ZFHX3: variants seen among roughly 807,000 people sequenced by gnomAD.
ZFHX3 encodes zinc finger homeobox 3.
A neutral mutation model predicts 279.1 loss-of-function variants in ZFHX3; 42 were observed. The ratio of observed to expected loss-of-function variants is 0.15; its 90% CI spans 0.12 to 0.19. ZFHX3 has a LOEUF of 0.19. ZFHX3 is among the 10% of genes least tolerant of loss of function. ZFHX3 has a pLI of 1.00. For synonymous variants in ZFHX3, 2,293 were observed against 1,957.8 expected (o/e 1.17, Z -4.52); for missense variants, 4,981 against 4,754.0 (o/e 1.05, Z -1.40).
intron 7 of ZFHX3, among the ~76,000 whole-genome samples, chr16:73,101,002 C>T (rs781351920): frequency 1.3e-5 from 2 of 152,184 alleles, no homozygotes; most frequent in Non-Finnish European, 2.9e-5. Flanking sequence ...CCTTAGGATC[C>T]ACCATGTCCT....
chr16:73,353,831 A>G (rs1188593918), intron 3 of ZFHX3, among the ~76,000 whole-genome samples: 1 of 152,216 alleles, frequency 6.6e-6, no homozygotes, highest in Non-Finnish European at 1.5e-5. Context: ...CGTTATTAAT[A>G]CTTAATATTG....
intron 1 of ZFHX3, among the ~76,000 whole-genome samples, chr16:73,005,228 C>G (rs1963660457): frequency 6.6e-6 from 1 of 152,212 alleles, no homozygotes; most frequent in Admixed American, 6.5e-5. Flanking sequence ...GGTGCAGTGG[C>G]TCACGTCTTA....
At chr16:73,232,502 G>A (rs2012808439) in intron 5 of ZFHX3, 1 of 152,252 alleles carries the variant, frequency 6.6e-6, no homozygotes. Context: ...AATGGACACG[G>A]GTGGAAGAGA....
chr16:73,511,355 G>T (rs533859124), intron 2 of ZFHX3, among the ~76,000 whole-genome samples: 3 of 152,224 alleles, frequency 2.0e-5, no homozygotes, highest in African/African-American at 7.2e-5. Flanking sequence ...CCCCTGCTCT[G>T]TTTCTAGGGA....
chr16:73,571,313 G>A (rs181043094), intron 2 of ZFHX3, among the ~76,000 whole-genome samples: 1 of 112,662 alleles, frequency 8.9e-6, no homozygotes, highest in Admixed American at 8.0e-5. Flanking sequence ...TAGTATTAAA[G>A]TAAAAATGAA....
chr16:73,839,705 A>G (rs1428505937), intron 1 of ZFHX3, among the ~76,000 whole-genome samples: 1 of 152,226 alleles, frequency 6.6e-6, no homozygotes, highest in Non-Finnish European at 1.5e-5. Flanking sequence ...AGGTACCCAA[A>G]GCACTGAAAT....
At chr16:72,848,205 G>T (rs1597305978) in intron 4 of ZFHX3, among the ~76,000 whole-genome samples, 1 of 152,144 alleles carries the variant, frequency 6.6e-6, no homozygotes, top group Non-Finnish European at 1.5e-5. Context: ...TGCTCTTGGG[G>T]ATGCTGTGTG....
chr16:73,358,152 G>A (rs564214549), intron 3 of ZFHX3, among the ~76,000 whole-genome samples: 77 of 152,326 alleles, frequency 5.1e-4, no homozygotes, highest in African/African-American at 1.6e-3. Flanking sequence ...TGCTTTGTAC[G>A]GATTTGTGCT....
chr16:73,511,203 A>G (rs1333212864), intron 2 of ZFHX3, among the ~76,000 whole-genome samples: 2 of 152,214 alleles, frequency 1.3e-5, no homozygotes, highest in African/African-American at 4.8e-5. Flanking sequence ...AGTTCCTCGC[A>G]AGTTCCAGGT....
At chr16:72,802,962 C>A (rs2036154610) in intron 7 of ZFHX3, among the ~76,000 whole-genome samples, 1 of 152,162 alleles carries the variant, frequency 6.6e-6, no homozygotes, top group Admixed American at 6.5e-5. Flanking sequence ...ACAATCATAT[C>A]TGGCTACTAA....
rs186259031 is a variant in ZFHX3 at position 73,112,672 on chromosome 16, C to T, written c.-897+18296G>A. Among the ~76,000 whole-genome samples the T allele has an allele frequency of 9.5e-4, 135 of 141,656 alleles. 1 individual carries two copies. The Middle Eastern group carries it at 0.018, about 19-fold the overall frequency. 92.9% of individuals were successfully genotyped at this position (141,656 alleles called of 152,430 possible). A position where few individuals can be genotyped will look rare whatever the true frequency, so the allele number is the denominator to read the frequency against. ...TGGAGGTTGCAGTGAGCTGAGATCG[C>T]GCCACTGCACTCCAGCCTGGGCGAC... is the stretch of plus-strand genomic sequence containing the variant. On this transcript the variant is annotated intron_variant, in intron 7 of 17. Transcript: ENST00000641206.
At chr16:73,749,690 C>T (rs543673164) in intron 1 of ZFHX3, among the ~76,000 whole-genome samples, 57 of 152,292 alleles carry the variant, frequency 3.7e-4, no homozygotes, top group Non-Finnish European at 6.0e-4. Flanking sequence ...AAAGGCAGGA[C>T]ACCAATGCCA....
Position 73,230,327 on chromosome 16 carries a change from C to A in ZFHX3, c.-1104+26720G>T, listed in dbSNP as rs9925145. 1.3e-3 allele frequency among the ~76,000 whole-genome samples: 193 copies of A among 152,252 alleles called. 1 individual carries two copies. Among genetic ancestry groups the A allele is most frequent in the African/African-American group, 4.5e-3 (187 of 41,554 alleles). The stretch of plus-strand genomic sequence containing the variant: ...CAATGAAGATAATGACATTTCTTTT[C>A]ATGGAACTATTTTAAATAGTTTAAC... On this transcript the variant is annotated intron_variant, in intron 5 of 17. Coordinates refer to the ZFHX3 transcript ENST00000641206.
At chr16:73,544,882 C>G (rs147470331) in intron 2 of ZFHX3, among the ~76,000 whole-genome samples, 356 of 152,140 alleles carry the variant, frequency 2.3e-3, no homozygotes, top group African/African-American at 7.6e-3. Context: ...TGGAGAGGAT[C>G]CAAATGAGAA....
At chr16:73,541,213 A>G (rs1194094828) in intron 2 of ZFHX3, among the ~76,000 whole-genome samples, 4 of 152,198 alleles carry the variant, frequency 2.6e-5, no homozygotes, top group Admixed American at 2.0e-4. Flanking sequence ...CCCACGAAGT[A>G]TTAAACACAT....
intron 7 of ZFHX3, among the ~76,000 whole-genome samples, chr16:73,105,461 T>G (rs1420275563): frequency 3.3e-5 from 2 of 59,866 alleles, no homozygotes; most frequent in Admixed American, 2.7e-4. Context: ...ATATATATTT[T>G]TTCCCCCAGG....
intron 1 of ZFHX3, among the ~76,000 whole-genome samples, chr16:72,993,382 C>T (rs1268229279): frequency 1.3e-5 from 2 of 152,236 alleles, no homozygotes; most frequent in African/African-American, 4.8e-5. Context: ...GACCTGTCCA[C>T]AGGCCCCCCT....
At chr16:73,235,190 C>T (rs576487459) in intron 5 of ZFHX3, among the ~76,000 whole-genome samples, 4 of 152,286 alleles carry the variant, frequency 2.6e-5, no homozygotes, top group Admixed American at 2.6e-4. Flanking sequence ...CTGCCTCAGC[C>T]TCCTGAGTAG....
At chr16:72,848,922 G>A (rs2037544236) in intron 4 of ZFHX3, among the ~76,000 whole-genome samples, 1 of 40 alleles carries the variant, frequency 0.025, no homozygotes, top group Non-Finnish European at 0.056. Context: ...CAGGCAGGCA[G>A]AGCGCCGGGC....
Sources: gnomAD v4.1 joint callset for allele counts (sites outside exome capture counted in the v4.1 genomes callset) on GRCh38, gnomAD v4.1.1 for gene constraint, MANE v1.5 for transcripts, NCBI Gene and HGNC (gene_info 2026-07-23, HGNC 2026-07-21) for gene names.